STARD13: variants seen among roughly 807,000 people sequenced by gnomAD.
The protein encoded by STARD13 is stAR-related lipid transfer protein 13.
Under a neutral mutation model 106.4 loss-of-function variants are expected in STARD13, and 62 were observed. The observed-to-expected ratio is 0.58, with a 90% CI of 0.48 to 0.72. The LOEUF (loss-of-function observed/expected upper bound fraction) is 0.72. STARD13 is among the 30% of genes least tolerant of loss of function. The pLI is 0.00. For synonymous variants in STARD13, 565 were observed against 553.0 expected (o/e 1.02, Z -0.31); for missense variants, 1,387 against 1,424.0 (o/e 0.97, Z 0.42).
chr13:33,559,395 TC>T, the STARD13 span, among the ~76,000 whole-genome samples: 1 of 151,546 alleles, frequency 6.6e-6, no homozygotes, highest in East Asian at 1.9e-4. Context: ...TAAGGGACCT[TC>T]AAACTTTATA....
intron 1 of STARD13, among the ~76,000 whole-genome samples, chr13:33,341,562 G>T (rs2077960819): frequency 6.7e-6 from 1 of 149,228 alleles, no homozygotes. Context: ...CTGCACTCCA[G>T]CCTGGGCGAC....
the STARD13 span, among the ~76,000 whole-genome samples, chr13:33,519,186 A>G: frequency 3.9e-4 from 56 of 141,944 alleles, no homozygotes; most frequent in African/African-American, 1.5e-3. Context: ...ACTCCTGTTG[A>G]TGATATTTCC....
At chr13:33,179,170 T>C (rs1036794852) in intron 1 of STARD13, among the ~76,000 whole-genome samples, 1 of 152,204 alleles carries the variant, frequency 6.6e-6, no homozygotes, top group Non-Finnish European at 1.5e-5. Flanking sequence ...AAAGAACCTG[T>C]CAATGTTTTT....
At chr13:33,407,371 A>T in the STARD13 span, among the ~76,000 whole-genome samples, 1 of 152,208 alleles carries the variant, frequency 6.6e-6, no homozygotes, top group Non-Finnish European at 1.5e-5. Context: ...ATGAAACTGT[A>T]GTCAGAGAGG....
chr13:33,259,132 C>G (rs984293824), intron 1 of STARD13, among the ~76,000 whole-genome samples: 5 of 152,236 alleles, frequency 3.3e-5, no homozygotes, highest in Admixed American at 2.6e-4. Flanking sequence ...CCCCTGCCCC[C>G]ACTAGAATGG....
At chr13:33,648,729 G>A in the STARD13 span, among the ~76,000 whole-genome samples, 13 of 143,776 alleles carry the variant, frequency 9.0e-5, no homozygotes, top group African/African-American at 2.8e-4. Flanking sequence ...TTACCAAAGA[G>A]TTTGTGTTCT....
intron 1 of STARD13, among the ~76,000 whole-genome samples, chr13:33,252,804 G>A (rs1890155037): frequency 6.6e-6 from 1 of 152,198 alleles, no homozygotes; most frequent in Non-Finnish European, 1.5e-5. Context: ...GACGCAAGTT[G>A]CAGAAGTTTT....
the STARD13 span, among the ~76,000 whole-genome samples, chr13:33,595,645 G>T: frequency 6.6e-6 from 1 of 152,086 alleles, no homozygotes; most frequent in African/African-American, 2.4e-5. Context: ...TTTACAAAAT[G>T]ATTTACTGTG....
chr13:33,592,512 A>G, the STARD13 span, among the ~76,000 whole-genome samples: 2 of 152,200 alleles, frequency 1.3e-5, no homozygotes, highest in African/African-American at 4.8e-5. Flanking sequence ...TTACAGGAGA[A>G]TGAGATACTC....
chr13:33,655,806 A>G, the STARD13 span, among the ~76,000 whole-genome samples: 1 of 152,240 alleles, frequency 6.6e-6, no homozygotes, highest in Non-Finnish European at 1.5e-5. Context: ...CAACAGCTAG[A>G]AGGAGGTTCT....
At chr13:33,607,617 G>A in the STARD13 span, among the ~76,000 whole-genome samples, 1 of 151,980 alleles carries the variant, frequency 6.6e-6, no homozygotes, top group Admixed American at 6.6e-5. Context: ...TTCTGATGGT[G>A]CAAATTGGAG....
intron 1 of STARD13, among the ~76,000 whole-genome samples, chr13:33,221,330 T>C (rs933953084): frequency 2.6e-5 from 4 of 152,232 alleles, no homozygotes; most frequent in Admixed American, 1.3e-4. Context: ...TAAGTGTTTG[T>C]CCATTTGTGA....
At chr13:33,313,631 T>A (rs1438028523) in intron 1 of STARD13, among the ~76,000 whole-genome samples, 3 of 152,132 alleles carry the variant, frequency 2.0e-5, no homozygotes, top group Non-Finnish European at 4.4e-5. Flanking sequence ...CAAGCTGATG[T>A]TTTTCAGCTG....
At chr13:33,372,707 T>C in the STARD13 span, among the ~76,000 whole-genome samples, 1 of 151,948 alleles carries the variant, frequency 6.6e-6, no homozygotes, top group Non-Finnish European at 1.5e-5. Context: ...TGGTAGAAAG[T>C]TCTTGAGCTG....
chr13:33,138,995 C>T, intron 4 of STARD13: 1 of 348,836 alleles, frequency 2.9e-6, no homozygotes, highest in Admixed American at 3.6e-5. Context: ...TCATCACCAT[C>T]ATCACCTATT....
intron 1 of STARD13, among the ~76,000 whole-genome samples, chr13:33,328,412 A>G (rs1042160859): frequency 2.6e-5 from 4 of 152,252 alleles, no homozygotes; most frequent in African/African-American, 9.6e-5. Flanking sequence ...CACTAGAATG[A>G]AATAAAATAA....
chr13:33,499,604 T>TTCTTCTTC, the STARD13 span, among the ~76,000 whole-genome samples: 117 of 39,734 alleles, frequency 2.9e-3, 3 homozygotes, highest in African/African-American at 6.8e-3. Context: ...CTTCTTCTTC[T>TTCTTCTTC]TTCTTCTTCT....
At chr13:33,550,561 T>A in the STARD13 span, among the ~76,000 whole-genome samples, 1 of 152,210 alleles carries the variant, frequency 6.6e-6, no homozygotes, top group Admixed American at 6.5e-5. Flanking sequence ...AGTGAATATC[T>A]CCCTTGCTTC....
intron 4 of STARD13, among the ~76,000 whole-genome samples, chr13:33,134,040 G>A (rs1270386024): frequency 6.6e-6 from 1 of 152,156 alleles, no homozygotes; most frequent in Non-Finnish European, 1.5e-5. Context: ...TAAAGAAAAG[G>A]ATACATCAAA....
Sources: gnomAD v4.1 joint callset for allele counts (sites outside exome capture counted in the v4.1 genomes callset) on GRCh38, gnomAD v4.1.1 for gene constraint, MANE v1.5 for transcripts, NCBI Gene and HGNC (gene_info 2026-07-23, HGNC 2026-07-21) for gene names.